SYNE2: variants seen among roughly 807,000 people sequenced by gnomAD.
SYNE2 encodes spectrin repeat containing nuclear envelope protein 2, also known as nesprin-2.
In SYNE2, 431 loss-of-function variants were observed where a neutral mutation model predicts 856.3. That is an observed-to-expected ratio of 0.50 (90% CI 0.47 to 0.55). SYNE2 has a LOEUF of 0.55. Among genes scored for constraint, SYNE2 ranks in the 20% least tolerant of loss-of-function variants. The probability of loss-of-function intolerance (pLI) is 0.00; values close to 1 mark genes in which losing one functional copy is unlikely to be tolerated. For missense variants in SYNE2, 8,129 were observed against 8,023.2 expected (o/e 1.01, Z -0.50); for synonymous variants, 2,923 against 2,872.3 (o/e 1.02, Z -0.56).
intron 64 of SYNE2, among the ~76,000 whole-genome samples, chr14:64,103,057 G>A (rs972408398): frequency 3.3e-5 from 5 of 152,142 alleles, no homozygotes; most frequent in Non-Finnish European, 7.4e-5. Context: ...ATCAGTTGAT[G>A]GACACTTCGG....
Position 64,221,668 on chromosome 14 carries a change from C to A in SYNE2, c.20154C>A (p.Asp6718Glu), listed in dbSNP as rs201738236. 26 of 1,614,160 alleles carry A rather than the reference C, an allele frequency of 1.6e-5. No individual in the cohort carries two copies. In the East Asian group the frequency reaches 5.1e-4, roughly 32 times the overall value. Reference protein sequence around the residue: ...QKAHVTDPKADPRALLECRRE... With the variant: ...QKAHVTDPKAEPRALLECRRE... ...CTCATGTCACCGATCCAAAGGCAGA[C>A]CCCCGGGCTCTCCTAGAGTGTCGGA... Residue 6718 changes from aspartate (D) to glutamate (E), a missense_variant, in exon 112 of 116, where the codon GAC (aspartate) becomes GAA (glutamate). By Grantham distance (45) the Asp-to-Glu change is conservative. This residue lies in a region of SYNE2 where 5,410 missense variants were observed against 5,284.8 expected (regional missense o/e 1.02). Transcript: ENST00000555002.
intron 92 of SYNE2, among the ~76,000 whole-genome samples, chr14:64,168,464 T>G (rs1039894764): frequency 4.6e-5 from 7 of 152,296 alleles, no homozygotes; most frequent in African/African-American, 1.7e-4. Flanking sequence ...TACATTAAGA[T>G]CATCCAATTA....
At chr14:64,037,937 G>C (rs1488168242) in intron 45 of SYNE2, among the ~76,000 whole-genome samples, 1 of 151,718 alleles carries the variant, frequency 6.6e-6, no homozygotes, top group Non-Finnish European at 1.5e-5. Flanking sequence ...GCCGGGCGGG[G>C]GGCTGACCCC....
chr14:64,170,956 G>A lies in SYNE2; in HGVS notation c.17235+494G>A, dbSNP rs2098407695. ...AATTATATATTTTTAAATAACTTAA[G>A]GAGTGTAATTGGATTATTTGTAACT... On this transcript the variant is annotated intron_variant, in intron 94 of 115. Transcript: ENST00000555002. Among the ~76,000 whole-genome samples the A allele has an allele frequency of 2.7e-5, 4 of 150,398 alleles. No homozygotes were observed. In the South Asian group the frequency reaches 8.3e-4, roughly 31 times the overall value.
intron 1 of SYNE2, among the ~76,000 whole-genome samples, chr14:63,829,269 G>T (rs929363588): frequency 2.0e-5 from 3 of 151,806 alleles, no homozygotes; most frequent in African/African-American, 7.3e-5. Flanking sequence ...TTTAAAAAAC[G>T]AGCTGGTTGT....
intron 85 of SYNE2, among the ~76,000 whole-genome samples, chr14:64,155,258 T>C (rs2098276274): frequency 6.6e-6 from 1 of 151,344 alleles, no homozygotes; most frequent in Non-Finnish European, 1.5e-5. Flanking sequence ...ACGTGGTCTA[T>C]CCATACAAAA....
chr14:64,081,318 A>G (rs975178822), intron 56 of SYNE2, 125 bp from the exon 57 acceptor site: 52 of 1,169,088 alleles, frequency 4.4e-5, no homozygotes, highest in Non-Finnish European at 6.0e-5. Context: ...AGCCCCAGCC[A>G]TGGGGAGCAG....
At chr14:64,098,889 T>C (rs2153636517) in intron 63 of SYNE2, 68 bp downstream of exon 63, 1 of 1,485,152 alleles carries the variant, frequency 6.7e-7, no homozygotes, top group Middle Eastern at 1.7e-4. Context: ...AATGAAAAGA[T>C]CTTAAAGTGA....
chr14:63,811,767 C>G (rs1038120579), intron 1 of SYNE2, among the ~76,000 whole-genome samples: 3 of 151,994 alleles, frequency 2.0e-5, no homozygotes, highest in Admixed American at 2.0e-4. Context: ...GACCATAATG[C>G]CCCCCTGAGC....
At chr14:64,172,120 G>C (rs2098414143) in intron 94 of SYNE2, among the ~76,000 whole-genome samples, 1 of 152,188 alleles carries the variant, frequency 6.6e-6, no homozygotes, top group South Asian at 2.1e-4. Flanking sequence ...CAAAGTGCTG[G>C]GATTACAGGC....
In SYNE2 at chr14:64,025,370, G is replaced by C. The variant is rs2096969652; in HGVS notation, c.6201G>C (p.Leu2067Phe). 6.2e-7 allele frequency: 1 copy of C among 1,613,700 alleles called. No homozygotes were observed. Residue 2067 changes from leucine (L) to phenylalanine (F), a missense_variant, in exon 41 of 116, where the codon TTG becomes TTC. Transcript: ENST00000555002. Reference protein sequence around the residue: ...IKEIKESLMVLNSSEGKMPLE... With the variant: ...IKEIKESLMVFNSSEGKMPLE... ...AGATTAAAGAGTCCCTTATGGTTTT[G>C]AATTCATCCGAAGGCAAAATGCCAC... is the stretch of plus-strand genomic sequence containing the variant.
chr14:64,036,288 T>TTTTG (rs1331399422), intron 45 of SYNE2, among the ~76,000 whole-genome samples: 3 of 152,004 alleles, frequency 2.0e-5, no homozygotes, highest in African/African-American at 4.8e-5. Context: ...CTATCGTTCT[T>TTTTG]TTTGTTTGTT....
intron 2 of SYNE2, among the ~76,000 whole-genome samples, chr14:63,918,931 C>T (rs747501622): frequency 3.3e-5 from 5 of 152,192 alleles, no homozygotes; most frequent in Non-Finnish European, 2.9e-5. Context: ...ATAGTGGGAA[C>T]TAGGTTTGCT....
chr14:63,878,552 A>AT (rs561123065), intron 1 of SYNE2, among the ~76,000 whole-genome samples: 308 of 129,250 alleles, frequency 2.4e-3, no homozygotes, highest in Non-Finnish European at 3.9e-3. Context: ...TTTTATTTTT[A>AT]TTTTTTGTTT....
In SYNE2 at chr14:64,210,142, T is replaced by A; in HGVS notation, c.18723+18T>A. ...GACTCAGGGTGAGCTCCTCTGCACC[T>A]GGCTCGGGTGTAGATTTTCCAGGAG... On this transcript the variant is annotated intron_variant, in intron 103 of 115. Coordinates refer to ENST00000555002, the MANE Select transcript of SYNE2 (RefSeq NM_182914.3). 1 of 1,611,836 alleles carries A rather than the reference T, an allele frequency of 6.2e-7. No homozygotes were observed. Among genetic ancestry groups the A allele is most frequent in the South Asian group, 1.1e-5 (1 of 90,976 alleles).
intron 7 of SYNE2, among the ~76,000 whole-genome samples, chr14:63,952,815 T>C (rs1471321280): frequency 6.6e-6 from 1 of 152,218 alleles, no homozygotes; most frequent in Non-Finnish European, 1.5e-5. Flanking sequence ...CCAGGTCATC[T>C]GGAGCAGACT....
At chr14:63,786,964 T>C (rs538624251) in intron 1 of SYNE2, among the ~76,000 whole-genome samples, 3 of 152,196 alleles carry the variant, frequency 2.0e-5, no homozygotes, top group African/African-American at 7.2e-5. Flanking sequence ...GGTTTCGCCA[T>C]GTTGCCCAGC....
At chr14:64,003,605 A>T (rs956095347) in intron 30 of SYNE2, among the ~76,000 whole-genome samples, 2 of 152,176 alleles carry the variant, frequency 1.3e-5, no homozygotes, top group African/African-American at 4.8e-5. Flanking sequence ...ACTGTACATG[A>T]GTTACTTCCG....
At chr14:63,948,798 A>ATGTG (rs1566884906) in intron 6 of SYNE2, among the ~76,000 whole-genome samples, 1 of 88,304 alleles carries the variant, frequency 1.1e-5, no homozygotes, top group Non-Finnish European at 2.1e-5. Flanking sequence ...ATATATATAT[A>ATGTG]TATATATATA....
Sources: allele counts gnomAD v4.1 joint callset (sites outside exome capture counted in the v4.1 genomes callset), GRCh38; gene constraint gnomAD v4.1.1; regional missense constraint gnomAD v4.1.1; transcripts MANE v1.5; gene names NCBI Gene and HGNC (gene_info 2026-07-23, HGNC 2026-07-21).